RORA: variants seen among roughly 807,000 people sequenced by gnomAD.
RORA encodes nuclear receptor ROR-alpha.
Under a neutral mutation model 69.5 loss-of-function variants are expected in RORA, and 7 were observed. That is an observed-to-expected ratio of 0.10 (90% CI 0.06 to 0.19). RORA has a LOEUF of 0.19. Among genes scored for constraint, RORA ranks in the 10% least tolerant of loss-of-function variants. The pLI, the probability that RORA is intolerant of heterozygous loss-of-function variation, is 1.00. For missense variants in RORA, 457 were observed against 663.0 expected (o/e 0.69, Z 3.41); for synonymous variants, 261 against 240.8 (o/e 1.08, Z -0.78).
intron 1 of RORA, among the ~76,000 whole-genome samples, chr15:60,922,349 A>G (rs888718077): frequency 1.3e-5 from 2 of 152,150 alleles, no homozygotes; most frequent in African/African-American, 2.4e-5. Context: ...ATGTTGGTTC[A>G]TTGATTATAA....
rs568515971 is a variant in RORA, at chr15:61,204,158, G to A, written c.166+24895C>T. Among the ~76,000 whole-genome samples, 3 of 152,268 alleles carry A rather than the reference G, an allele frequency of 2.0e-5. No homozygotes were observed. In the South Asian group the frequency reaches 6.2e-4, roughly 32 times the overall value. On this transcript the variant is annotated intron_variant, in intron 1 of 10. Coordinates refer to ENST00000335670, the MANE Select transcript of RORA (RefSeq NM_134261.3). Reference sequence around the variant, plus strand: ...CAAAGGAATGATGTCAAATCCAGAGGAGAGAAGTCAAGGATAGCTTCTTGG... The same window carrying A: ...CAAAGGAATGATGTCAAATCCAGAGAAGAGAAGTCAAGGATAGCTTCTTGG...
chr15:60,857,986 C>G (rs1021520093), intron 1 of RORA, among the ~76,000 whole-genome samples: 1 of 152,212 alleles, frequency 6.6e-6, no homozygotes, highest in Non-Finnish European at 1.5e-5. Flanking sequence ...ATCGGTCACA[C>G]TGGGGTTTGC....
chr15:60,600,850 C>G (rs1305419593), intron 2 of RORA: 3 of 152,148 alleles, frequency 2.0e-5, no homozygotes, highest in Non-Finnish European at 2.9e-5. Context: ...GCTACTACCT[C>G]TCCTACTGGT....
intron 1 of RORA, among the ~76,000 whole-genome samples, chr15:60,885,425 A>G (rs1321591218): frequency 6.6e-6 from 1 of 152,220 alleles, no homozygotes; most frequent in Non-Finnish European, 1.5e-5. Flanking sequence ...TTGAATACCA[A>G]CAAGTGACTA....
chr15:60,635,791 T>G (rs1358951958), intron 2 of RORA, among the ~76,000 whole-genome samples: 1 of 152,196 alleles, frequency 6.6e-6, no homozygotes, highest in Non-Finnish European at 1.5e-5. Context: ...AAGTACACTC[T>G]GCATTTTCTT....
chr15:60,822,708 C>T (rs981400955), intron 1 of RORA, among the ~76,000 whole-genome samples: 6 of 152,174 alleles, frequency 3.9e-5, no homozygotes, highest in African/African-American at 1.4e-4. Context: ...CTGGCACCAC[C>T]TAGCATGCGC....
In RORA at chr15:60,499,981, C is replaced by A. The variant is rs2065279421; in HGVS notation, c.1318G>T (p.Val440Leu). The change falls in exon 10 of 11, where the codon GTA (valine) becomes TTA (leucine). Residue 440 changes from valine (V) to leucine (L), a missense_variant. Physicochemically the swap from Val to Leu is conservative, Grantham distance 32. Coordinates refer to ENST00000335670, the MANE Select transcript of RORA (RefSeq NM_134261.3). The part of the protein sequence containing the change: ...SADRSWLQEK[V>L]KIEKLQQKIQ... ...TTCTGTTGCAGTTTTTCAATTTTTA[C>A]CTTTTCTTGCAGCCATGAGCGATCT... 6.2e-7 allele frequency: 1 copy of A among 1,611,664 alleles called. No homozygotes were observed. Among genetic ancestry groups the A allele is most frequent in the East Asian group, 2.2e-5 (1 of 44,788 alleles).
rs1047074909 is a variant in RORA at position 60,996,197 on chromosome 15, A to G, written c.166+232856T>C. Among the ~76,000 whole-genome samples, 13 of 152,006 alleles carry G rather than the reference A, an allele frequency of 8.6e-5. 1 individual carries two copies. The highest frequency in any genetic ancestry group is 7.2e-4 in the Admixed American group (11 of 15,254). Reference sequence around the variant, plus strand: ...GTGATTCTCCAGCCTCAGACTCCCAAGCAGCTGGGATTACAGGCATGTGGC... The same window carrying G: ...GTGATTCTCCAGCCTCAGACTCCCAGGCAGCTGGGATTACAGGCATGTGGC... On this transcript the variant is annotated intron_variant, in intron 1 of 10. Transcript: ENST00000335670.
At chr15:60,701,710 G>C (rs940123227) in intron 1 of RORA, among the ~76,000 whole-genome samples, 4 of 152,090 alleles carry the variant, frequency 2.6e-5, no homozygotes, top group African/African-American at 9.7e-5. Context: ...TTGTCCTTGC[G>C]GGCCCATGCT....
chr15:60,805,471 G>A (rs141302303), intron 1 of RORA, among the ~76,000 whole-genome samples: 1 of 152,338 alleles, frequency 6.6e-6, no homozygotes, highest in East Asian at 1.9e-4. Flanking sequence ...CTGGGTTTGA[G>A]CCCAGCACTT....
chr15:60,869,660 C>G (rs1175062275), intron 1 of RORA, among the ~76,000 whole-genome samples: 1 of 152,232 alleles, frequency 6.6e-6, no homozygotes, highest in Non-Finnish European at 1.5e-5. Context: ...TTTGCCCCAG[C>G]TGCTCTCAAG....
At chr15:60,980,990 G>A (rs1482564559) in intron 1 of RORA, among the ~76,000 whole-genome samples, 2 of 151,834 alleles carry the variant, frequency 1.3e-5, no homozygotes, top group African/African-American at 4.8e-5. Context: ...ATGTAGGTCA[G>A]GTGTCATAGT....
chr15:60,752,926 T>C (rs559911131), intron 1 of RORA, among the ~76,000 whole-genome samples: 1 of 152,260 alleles, frequency 6.6e-6, no homozygotes, highest in African/African-American at 2.4e-5. Context: ...ACCAAAGATA[T>C]TTGAGATTTT....
At chr15:60,661,085 T>A (rs903914465) in intron 2 of RORA, among the ~76,000 whole-genome samples, 5 of 150,066 alleles carry the variant, frequency 3.3e-5, no homozygotes, top group African/African-American at 1.2e-4. Context: ...GGAGTTATTT[T>A]TTTTTTTTTT....
chr15:60,922,029 T>G, intron 1 of RORA, among the ~76,000 whole-genome samples: 1 of 152,344 alleles, frequency 6.6e-6, no homozygotes, highest in Admixed American at 6.5e-5. Flanking sequence ...TTTATCTGCA[T>G]CTGTCTCCCC....
chr15:60,986,928 T>C (rs2140365921), intron 1 of RORA, among the ~76,000 whole-genome samples: 1 of 152,310 alleles, frequency 6.6e-6, no homozygotes, highest in South Asian at 2.1e-4. Flanking sequence ...ACCGGGTGAT[T>C]AAATAAAGCA....
chr15:60,970,843 A>C (rs1418082177), intron 1 of RORA, among the ~76,000 whole-genome samples: 2 of 152,190 alleles, frequency 1.3e-5, no homozygotes, highest in Non-Finnish European at 2.9e-5. Flanking sequence ...TCACACTCTA[A>C]AATGAAAAGA....
intron 1 of RORA, among the ~76,000 whole-genome samples, chr15:60,930,620 A>T (rs1892347320): frequency 6.6e-6 from 1 of 152,206 alleles, no homozygotes; most frequent in Non-Finnish European, 1.5e-5. Context: ...AATTAATGCA[A>T]CAGCCTTGTA....
intron 1 of RORA, among the ~76,000 whole-genome samples, chr15:60,819,071 G>A (rs1324024266): frequency 6.6e-6 from 1 of 152,120 alleles, no homozygotes; most frequent in African/African-American, 2.4e-5. Context: ...CTCACTCTCT[G>A]GTTTTCTACA....
Sources: allele counts gnomAD v4.1 joint callset (sites outside exome capture counted in the v4.1 genomes callset), GRCh38; gene constraint gnomAD v4.1.1; transcripts MANE v1.5; gene names NCBI Gene and HGNC (gene_info 2026-07-23, HGNC 2026-07-21).